The following RBFOX1 variants were observed in gnomAD, a reference collection of about 807,000 sequenced individuals.
RBFOX1 encodes RNA binding protein fox-1 homolog 1.
RBFOX1 carries 8 observed loss-of-function variants against 57.7 expected under a neutral mutation model. The observed-to-expected ratio is 0.14, with a 90% CI of 0.08 to 0.25. The LOEUF (loss-of-function observed/expected upper bound fraction) is 0.25. Ranked by LOEUF, RBFOX1 falls within the 10% of genes least tolerant of loss-of-function variation. The pLI, the probability that RBFOX1 is intolerant of heterozygous loss-of-function variation, is 1.00. For missense variants in RBFOX1, 611 were observed against 548.5 expected, an observed-to-expected ratio of 1.11 and a Z score of -1.14; for synonymous variants, 326 against 222.4, an observed-to-expected ratio of 1.47 and a Z score of -4.15.
intron 1 of RBFOX1, among the ~76,000 whole-genome samples, chr16:6,193,396 A>ATATATATATAC (rs2097157511): frequency 3.1e-5 from 1 of 31,796 alleles, no homozygotes; most frequent in African/African-American, 1.0e-4. Flanking sequence ...TATATACTAT[A>ATATATATATAC]TATATATATA....
chr16:6,331,058 G>A (rs1244551544), intron 2 of RBFOX1, among the ~76,000 whole-genome samples: 1 of 152,216 alleles, frequency 6.6e-6, no homozygotes, highest in Non-Finnish European at 1.5e-5. Context: ...AAAAAGTAAG[G>A]AAGTTAGTAA....
chr16:6,732,336 C>T (rs139218760), intron 3 of RBFOX1, among the ~76,000 whole-genome samples: 31 of 152,140 alleles, frequency 2.0e-4, no homozygotes, highest in African/African-American at 7.2e-4. Context: ...CAGATTCTCA[C>T]GAGAGAGTGA....
At chr16:7,052,515 G>A (rs958669596) in intron 4 of RBFOX1, among the ~76,000 whole-genome samples, 9 of 152,206 alleles carry the variant, frequency 5.9e-5, no homozygotes, top group Non-Finnish European at 1.2e-4. Context: ...CAAGGAATAT[G>A]TCAAGGGCGT....
intron 2 of RBFOX1, among the ~76,000 whole-genome samples, chr16:5,493,102 G>A (rs1292757261): frequency 1.3e-5 from 2 of 152,216 alleles, no homozygotes; most frequent in African/African-American, 4.8e-5. Flanking sequence ...GAGAAGATGT[G>A]GCAGAGACTG....
At chr16:5,856,015 A>G (rs1038947189) in intron 3 of RBFOX1, among the ~76,000 whole-genome samples, 1 of 106,366 alleles carries the variant, frequency 9.4e-6, no homozygotes, top group African/African-American at 3.5e-5. Context: ...CAATAAGATT[A>G]CTTTCCTAAT....
intron 4 of RBFOX1, among the ~76,000 whole-genome samples, chr16:7,164,959 G>A (rs1292505373): frequency 1.3e-5 from 2 of 152,168 alleles, no homozygotes; most frequent in East Asian, 1.9e-4. Context: ...AGTTGGCAGC[G>A]TGTATCACAG....
Position 7,456,814 on chromosome 16 carries a change from C to T in RBFOX1, c.28-61333C>T, listed in dbSNP as rs1231601494. ...CTACTCCAAGCCTTCTATTCAAGCC[C>T]TGAGCCCTGGAGCAGGGCTGTATCA... On this transcript the variant is annotated intron_variant, in intron 4 of 15. Coordinates refer to ENST00000550418, the MANE Select transcript of RBFOX1 (RefSeq NM_018723.4). Among the ~76,000 whole-genome samples, 11 of 152,240 alleles carry T rather than the reference C, an allele frequency of 7.2e-5. No homozygotes were observed. In the South Asian group the frequency reaches 2.1e-3, roughly 29 times the overall value.
chr16:7,149,329 C>T (rs1466772045), intron 4 of RBFOX1, among the ~76,000 whole-genome samples: 1 of 152,018 alleles, frequency 6.6e-6, no homozygotes. Flanking sequence ...GGTAAAGAGT[C>T]AAGTCTCTTG....
chr16:5,633,161 A>T (rs900359850), intron 3 of RBFOX1, among the ~76,000 whole-genome samples: 1 of 151,704 alleles, frequency 6.6e-6, no homozygotes, highest in African/African-American at 2.4e-5. Flanking sequence ...CTGGTCTCGA[A>T]CTCCTGACCT....
intron 2 of RBFOX1, among the ~76,000 whole-genome samples, chr16:5,521,702 C>T (rs7500408): frequency 0.81 from 122,423 of 152,076 alleles, 49,619 homozygotes; most frequent in East Asian, 0.99. Context: ...CTGGGAGTTA[C>T]GTCTGAGCCC....
chr16:6,775,540 TGTCA>T (rs2079180056), intron 3 of RBFOX1, among the ~76,000 whole-genome samples: 1 of 152,202 alleles, frequency 6.6e-6, no homozygotes, highest in Non-Finnish European at 1.5e-5. Flanking sequence ...GAACCAGTTA[TGTCA>T]GTCCATCTCT....
chr16:6,333,121 C>T (rs1029683647), intron 2 of RBFOX1, among the ~76,000 whole-genome samples: 3 of 152,170 alleles, frequency 2.0e-5, no homozygotes, highest in Non-Finnish European at 4.4e-5. Context: ...CTCAATGCAG[C>T]CTCTGTCTCC....
rs201665454 is a variant in RBFOX1, at chr16:7,659,584, C to CA, written c.891-5338dup. ...ACATACACTAACTACAGCTGATGAGCAAAAAAAGAAAAAAGAAAAAAAAGA... is the reference window on the plus strand; with the variant it reads ...ACATACACTAACTACAGCTGATGAGCAAAAAAAAGAAAAAAGAAAAAAAAGA... On this transcript the variant is annotated intron_variant, in intron 12 of 15. Coordinates refer to ENST00000550418, the MANE Select transcript of RBFOX1 (RefSeq NM_018723.4). 3.1e-3 allele frequency among the ~76,000 whole-genome samples: 461 copies of CA among 150,772 alleles called. 3 individuals are homozygous for CA. The highest frequency in any genetic ancestry group is 5.3e-3 in the Non-Finnish European group (357 of 67,706).
chr16:7,086,590 T>C (rs1049918720), intron 4 of RBFOX1, among the ~76,000 whole-genome samples: 1 of 152,154 alleles, frequency 6.6e-6, no homozygotes, highest in Non-Finnish European at 1.5e-5. Flanking sequence ...TTATGGATAC[T>C]TTCAGGAAAT....
intron 1 of RBFOX1, among the ~76,000 whole-genome samples, chr16:6,027,424 G>A (rs2095217301): frequency 6.6e-6 from 1 of 152,158 alleles, no homozygotes; most frequent in South Asian, 2.1e-4. Context: ...AGGCAGTGCA[G>A]GTATTTCACT....
intron 2 of RBFOX1, among the ~76,000 whole-genome samples, chr16:6,608,895 G>C (rs1396808475): frequency 6.6e-6 from 1 of 152,184 alleles, no homozygotes; most frequent in African/African-American, 2.4e-5. Flanking sequence ...CTGTAGAGGA[G>C]ATCTTTTTTC....
At chr16:7,013,357 C>G (rs571639454) in intron 3 of RBFOX1, among the ~76,000 whole-genome samples, 1 of 152,164 alleles carries the variant, frequency 6.6e-6, no homozygotes, top group Admixed American at 6.5e-5. Context: ...AAACCAGTCC[C>G]TCTCACTTGA....
chr16:7,253,418 C>A lies in RBFOX1; in HGVS notation c.27+201320C>A, dbSNP rs577984128. Among the ~76,000 whole-genome samples the A allele has an allele frequency of 1.1e-4, 17 of 152,292 alleles. No homozygotes were observed. In the South Asian group the frequency reaches 1.5e-3, roughly 13 times the overall value. On this transcript the variant is annotated intron_variant, in intron 4 of 15. Coordinates refer to ENST00000550418, the MANE Select transcript of RBFOX1 (RefSeq NM_018723.4). ...GTTCTCCGGCTTGACAACCCCTCAACCTCTTCCTTGTCCTTAGGGTAAAGT... is the reference window on the plus strand; with the variant it reads ...GTTCTCCGGCTTGACAACCCCTCAAACTCTTCCTTGTCCTTAGGGTAAAGT...
In RBFOX1 at chr16:7,112,664, C is replaced by G. The variant is rs529179616; in HGVS notation, c.27+60566C>G. Among the ~76,000 whole-genome samples, 69 of 5,616 alleles carry G rather than the reference C, an allele frequency of 0.012. No homozygotes were observed. In the East Asian group the frequency reaches 0.33, roughly 26 times the overall value. 3.7% of individuals were successfully genotyped at this position (5,616 alleles called of 152,430 possible). On this transcript the variant is annotated intron_variant, in intron 4 of 15. Coordinates refer to ENST00000550418, the MANE Select transcript of RBFOX1 (RefSeq NM_018723.4). ...TAAATGCAGCCTCAATATGTAAACT[C>G]TGTGTGTGTGTGTGGGTGTGGGTGT...
Sources: allele counts gnomAD v4.1 joint callset (sites outside exome capture counted in the v4.1 genomes callset), GRCh38; gene constraint gnomAD v4.1.1; transcripts MANE v1.5; gene names NCBI Gene and HGNC (gene_info 2026-07-23, HGNC 2026-07-21).